ARID3A: variants seen among roughly 807,000 people sequenced by gnomAD.
The protein encoded by ARID3A is AT-rich interaction domain 3A, also known as AT-rich interactive domain-containing protein 3A.
Under a neutral mutation model 52.7 loss-of-function variants are expected in ARID3A, and 11 were observed. That is an observed-to-expected ratio of 0.21 (90% CI 0.13 to 0.35). ARID3A has a LOEUF of 0.35. Among genes scored for constraint, ARID3A ranks in the 10% least tolerant of loss-of-function variants. The pLI, the probability that ARID3A is intolerant of heterozygous loss-of-function variation, is 1.00. For missense variants in ARID3A, 721 were observed against 838.5 expected (o/e 0.86, Z 1.73); for synonymous variants, 404 against 359.4 (o/e 1.12, Z -1.40).
chr19:939,786 A>G lies in ARID3A; in HGVS notation c.693+7044A>G, dbSNP rs117807400. 2.6e-5 allele frequency among the ~76,000 whole-genome samples: 4 copies of G among 152,176 alleles called. No homozygotes were observed. The East Asian group carries it at 7.7e-4, about 29-fold the overall frequency. ...CTTCCCTCGGTCATTTCCCTGTTGT[A>G]AGCAATACTGTAACGAACATCTTCG... On this transcript the variant is annotated intron_variant, in intron 3 of 8. Transcript: ENST00000263620.
At chr19:939,537 G>A (rs970759101) in intron 3 of ARID3A, among the ~76,000 whole-genome samples, 4 of 152,176 alleles carry the variant, frequency 2.6e-5, no homozygotes, top group African/African-American at 9.7e-5. Context: ...TGAGCCGCAT[G>A]TTCTCCAGGC....
At chr19:969,850 A>G (rs1245447619) in intron 8 of ARID3A, among the ~76,000 whole-genome samples, 1,878 of 151,250 alleles carry the variant, frequency 0.012, 43 homozygotes, top group African/African-American at 0.043. Flanking sequence ...CACCACACCC[A>G]GCTAATTTTT....
At chr19:958,818 G>A (rs1217848814) in intron 3 of ARID3A, among the ~76,000 whole-genome samples, 6 of 152,256 alleles carry the variant, frequency 3.9e-5, no homozygotes, top group Non-Finnish European at 8.8e-5. Context: ...GAGTGAACCC[G>A]GGAGGCGGAG....
At position 934,298 on chromosome 19, in the gene ARID3A, G is replaced by A. The variant is rs1177116843; in HGVS notation, c.693+1556G>A. ...ACACACGCCCCGCCCAGACAGCCCCGGCCTCCAAGGCCCAAAGCCGATGGG... is the reference window on the plus strand; with the variant it reads ...ACACACGCCCCGCCCAGACAGCCCCAGCCTCCAAGGCCCAAAGCCGATGGG... On this transcript the variant is annotated intron_variant, in intron 3 of 8. Transcript: ENST00000263620. Among the ~76,000 whole-genome samples, 10 of 152,258 alleles carry A rather than the reference G, an allele frequency of 6.6e-5. No homozygotes were observed. The East Asian group carries it at 1.7e-3, about 27-fold the overall frequency.
At chr19:962,852 A>G (rs1423209791) in intron 4 of ARID3A, among the ~76,000 whole-genome samples, 3 of 152,238 alleles carry the variant, frequency 2.0e-5, no homozygotes, top group African/African-American at 7.2e-5. Context: ...TCTGAGGCCT[A>G]AACTGGTGTC....
Position 972,969 on chromosome 19 carries a change from G to A in ARID3A, c.*904G>A, listed in dbSNP as rs960874329. 13 of 209,134 alleles carry A rather than the reference G, an allele frequency of 6.2e-5. No individual in the cohort carries two copies. The highest frequency in any genetic ancestry group is 2.3e-4 in the African/African-American group (10 of 43,808). 13.0% of individuals were successfully genotyped at this position (209,134 alleles called of 1,614,324 possible). On this transcript the variant is annotated 3_prime_UTR_variant, in exon 9 of 9. Transcript: ENST00000263620. The stretch of plus-strand genomic sequence containing the variant: ...CCAATGAACTCAGGTGCTATGGGCC[G>A]GGCTGGGGCAGAGGGTGCATGCTGG...
At position 944,224 on chromosome 19, in the gene ARID3A, A is replaced by C. The variant is rs1452025500; in HGVS notation, c.693+11482A>C. 6.6e-6 allele frequency among the ~76,000 whole-genome samples: 1 copy of C among 151,856 alleles called. No individual in the cohort carries two copies. Among genetic ancestry groups the C allele is most frequent in the Admixed American group, 6.6e-5 (1 of 15,260 alleles). The stretch of plus-strand genomic sequence containing the variant: ...CAGAAGCTCCTGCCGCCGGCACTGG[A>C]GTCCTGACGTCGGCAGCGCGGTGGA... On this transcript the variant is annotated intron_variant, in intron 3 of 8. Coordinates refer to ENST00000263620, the MANE Select transcript of ARID3A (RefSeq NM_005224.3). The surrounding 1 kb of genome is among the most constrained non-coding windows in gnomAD (Gnocchi z 5.9).
intron 4 of ARID3A, among the ~76,000 whole-genome samples, chr19:963,216 C>T (rs1276754630): frequency 6.6e-6 from 1 of 152,214 alleles, no homozygotes; most frequent in Non-Finnish European, 1.5e-5. Context: ...CCTAACAGGG[C>T]GATGGGCGTC....
intron 2 of ARID3A, among the ~76,000 whole-genome samples, chr19:931,670 A>G (rs1238170819): frequency 6.0e-5 from 9 of 151,188 alleles, no homozygotes; most frequent in Non-Finnish European, 7.4e-5. Context: ...AAAATTAGCC[A>G]GGCGTGGTGG....
chr19:938,116 T>C lies in ARID3A; in HGVS notation c.693+5374T>C, dbSNP rs991554000. On this transcript the variant is annotated intron_variant, in intron 3 of 8. Coordinates refer to ENST00000263620, the MANE Select transcript of ARID3A (RefSeq NM_005224.3). The surrounding 1 kb of genome is among the most constrained non-coding windows in gnomAD (Gnocchi z 4.0). ...ACCTCAGCGTCCCAGAGTGCTGGGATCACAGACGTGAGCCACCGCGCCCGG... is the reference window on the plus strand; with the variant it reads ...ACCTCAGCGTCCCAGAGTGCTGGGACCACAGACGTGAGCCACCGCGCCCGG... Among the ~76,000 whole-genome samples the C allele has an allele frequency of 4.6e-5, 7 of 152,074 alleles. No homozygotes were observed. The highest frequency in any genetic ancestry group is 8.8e-5 in the Non-Finnish European group (6 of 68,016).
intron 3 of ARID3A, among the ~76,000 whole-genome samples, chr19:949,048 G>T (rs573702936): frequency 1.3e-5 from 2 of 152,096 alleles, no homozygotes; most frequent in African/African-American, 4.8e-5. Flanking sequence ...ATGTGGCTGC[G>T]GGGGTGCACT....
rs1248319818 is a variant in ARID3A, at chr19:964,209, C to T, written c.767-39C>T. 1 of 1,566,004 alleles carries T rather than the reference C, an allele frequency of 6.4e-7. No individual in the cohort carries two copies. The highest frequency in any genetic ancestry group is 2.3e-5 in the East Asian group (1 of 44,352). ...CAGGACACTCGGCTCCCTGCAGTGC[C>T]CAGGTGGCCCCCAACCTCCCTCTCG... On this transcript the variant is annotated intron_variant, in intron 4 of 8. Coordinates refer to ENST00000263620, the MANE Select transcript of ARID3A (RefSeq NM_005224.3). The surrounding 1 kb of genome is among the most constrained non-coding windows in gnomAD (Gnocchi z 5.7).
At chr19:936,183 G>T (rs2037435061) in intron 3 of ARID3A, among the ~76,000 whole-genome samples, 1 of 152,228 alleles carries the variant, frequency 6.6e-6, no homozygotes, top group Admixed American at 6.5e-5. Flanking sequence ...AATAAGTGTT[G>T]AATGAATTTG....
At chr19:951,145 C>T (rs1194793175) in intron 3 of ARID3A, among the ~76,000 whole-genome samples, 1 of 151,676 alleles carries the variant, frequency 6.6e-6, no homozygotes, top group Non-Finnish European at 1.5e-5. Flanking sequence ...AAAGAAGAGA[C>T]GGGGTCTCGC....
intron 3 of ARID3A, among the ~76,000 whole-genome samples, chr19:954,441 T>TGG (rs1159534703): frequency 6.6e-6 from 1 of 152,252 alleles, no homozygotes; most frequent in Admixed American, 6.5e-5. Context: ...CGCATTTTCT[T>TGG]GGCATCGCAC....
In ARID3A at chr19:960,142, G is replaced by C; in HGVS notation, c.744G>C (p.Leu248Phe). 6.8e-6 allele frequency: 11 copies of C among 1,612,874 alleles called. No individual in the cohort carries two copies. The highest frequency in any genetic ancestry group is 9.3e-6 in the Non-Finnish European group (11 of 1,179,344). ...DPKRKEFLDD[L>F]FSFMQKRGTP... ...AGAGGAAGGAATTCCTGGATGACTT[G>C]TTCAGCTTCATGCAGAAGCGAGGTG... Residue 248 changes from leucine (L) to phenylalanine (F), a missense_variant, in exon 4 of 9, where the codon TTG becomes TTC. Around this residue, in one of 5 missense-constraint regions of ARID3A, gnomAD observed 43 missense variants for 143.7 expected, o/e 0.30. Transcript: ENST00000263620. The surrounding 1 kb of genome is among the most constrained non-coding windows in gnomAD (Gnocchi z 4.3).
chr19:966,458 C>CAA (rs71335324), intron 6 of ARID3A, 114 bp from the exon 7 acceptor site: 5,026 of 684,040 alleles, frequency 7.3e-3, no homozygotes, highest in South Asian at 0.022. Context: ...AACTCCGTCT[C>CAA]AAAAAAAAAA....
At chr19:951,884 C>G (rs1156848514) in intron 3 of ARID3A, among the ~76,000 whole-genome samples, 1 of 152,116 alleles carries the variant, frequency 6.6e-6, no homozygotes, top group African/African-American at 2.4e-5. Flanking sequence ...ACCCAGAATC[C>G]CAGCACTTCG....
chr19:928,659 C>T (rs2037251009), intron 1 of ARID3A: 1 of 152,204 alleles, frequency 6.6e-6, no homozygotes, highest in South Asian at 2.1e-4. Context: ...CCCACCTTAA[C>T]CTCCTGAACT....
Sources: allele counts gnomAD v4.1 joint callset (sites outside exome capture counted in the v4.1 genomes callset), GRCh38; gene constraint gnomAD v4.1.1; regional missense constraint gnomAD v4.1.1; non-coding constraint Gnocchi (gnomAD v3.1); transcripts MANE v1.5; gene names NCBI Gene and HGNC (gene_info 2026-07-23, HGNC 2026-07-21).